Variants in LHFPL2 observed in about 807,000 individuals in gnomAD.
LHFPL2 encodes LHFPL tetraspan subfamily member 2, also known as LHFPL tetraspan subfamily member 2 protein.
A neutral mutation model predicts 17.5 loss-of-function variants in LHFPL2; 7 were observed. The ratio of observed to expected loss-of-function variants is 0.40; its 90% CI spans 0.23 to 0.75. LHFPL2 has a LOEUF of 0.75. LHFPL2 is among the 30% of genes least tolerant of loss of function. The pLI, the probability that LHFPL2 is intolerant of heterozygous loss-of-function variation, is 0.37. For missense variants in LHFPL2, 241 were observed against 294.8 expected, an observed-to-expected ratio of 0.82 and a Z score of 1.34; for synonymous variants, 134 against 116.2, an observed-to-expected ratio of 1.15 and a Z score of -0.99.
intron 3 of LHFPL2, among the ~76,000 whole-genome samples, chr5:78,561,844 G>GTGAATTATATAAGTGAATTATAA: frequency 6.6e-6 from 1 of 152,200 alleles, no homozygotes; most frequent in South Asian, 2.1e-4. Flanking sequence ...AGTGGTTAGA[G>GTGAATTATATAAGTGAATTATAA]CAGGGATTTA....
intron 3 of LHFPL2, among the ~76,000 whole-genome samples, chr5:78,515,944 G>A (rs958601916): frequency 1.3e-5 from 2 of 152,228 alleles, no homozygotes; most frequent in Non-Finnish European, 2.9e-5. Context: ...AGGGCCCAGT[G>A]ACTGTAGGGA....
chr5:78,576,323 CAAAA>C, intron 2 of LHFPL2, among the ~76,000 whole-genome samples: 1 of 151,806 alleles, frequency 6.6e-6, no homozygotes, highest in African/African-American at 2.4e-5. Context: ...AATTTTTACT[CAAAA>C]AAGAATGAAT....
chr5:78,589,762 G>A (rs1385888394), intron 2 of LHFPL2, among the ~76,000 whole-genome samples: 4 of 152,140 alleles, frequency 2.6e-5, no homozygotes, highest in Admixed American at 2.0e-4. Flanking sequence ...CCTTGAGGAC[G>A]GCCACTATGT....
intron 2 of LHFPL2, among the ~76,000 whole-genome samples, chr5:78,623,394 C>T (rs982310275): frequency 2.6e-5 from 4 of 152,162 alleles, no homozygotes; most frequent in African/African-American, 9.7e-5. Flanking sequence ...TAAACATGAA[C>T]ACTATTGTTT....
intron 4 of LHFPL2, 135 bp downstream of exon 4, chr5:78,509,649 G>T: frequency 1.1e-6 from 1 of 876,308 alleles, no homozygotes; most frequent in Non-Finnish European, 1.8e-6. Context: ...GAACGGAAGG[G>T]GCAAAGGAAA....
intron 4 of LHFPL2, among the ~76,000 whole-genome samples, chr5:78,490,147 C>G (rs1164254097): frequency 6.6e-6 from 1 of 152,214 alleles, no homozygotes; most frequent in African/African-American, 2.4e-5. Flanking sequence ...ATTTTGCTGA[C>G]CCTACTACCT....
intron 2 of LHFPL2, among the ~76,000 whole-genome samples, chr5:78,578,891 A>G (rs1185659851): frequency 6.6e-6 from 1 of 152,182 alleles, no homozygotes; most frequent in Non-Finnish European, 1.5e-5. Flanking sequence ...TCTATCAGCA[A>G]CGTAGGTGAG....
In LHFPL2 at chr5:78,603,144, G is replaced by A. The variant is rs187581832; in HGVS notation, c.-245+29120C>T. 1.1e-3 allele frequency among the ~76,000 whole-genome samples: 166 copies of A among 152,180 alleles called. 1 individual carries two copies. The highest frequency in any genetic ancestry group is 3.8e-3 in the African/African-American group (156 of 41,536). The stretch of plus-strand genomic sequence containing the variant: ...GCTGACCTCGTGATCCACCTGCCTC[G>A]GCCTCCCAAAGTGCTGGGATTACAG... On this transcript the variant is annotated intron_variant, in intron 2 of 4. Coordinates refer to ENST00000380345, the MANE Select transcript of LHFPL2 (RefSeq NM_005779.3).
At chr5:78,643,315 GT>G (rs1160840266) in intron 1 of LHFPL2, among the ~76,000 whole-genome samples, 5 of 152,116 alleles carry the variant, frequency 3.3e-5, no homozygotes, top group Admixed American at 2.0e-4. Flanking sequence ...GATGAACCAA[GT>G]ATTCACTCTT....
At chr5:78,626,048 A>G (rs1338457477) in intron 2 of LHFPL2, 2 of 152,326 alleles carry the variant, frequency 1.3e-5, no homozygotes, top group Non-Finnish European at 2.9e-5. Flanking sequence ...TCTGCCAACC[A>G]TAAACTACAC....
intron 3 of LHFPL2, among the ~76,000 whole-genome samples, chr5:78,559,006 G>A (rs1756655203): frequency 6.6e-6 from 1 of 152,066 alleles, no homozygotes; most frequent in African/African-American, 2.4e-5. Flanking sequence ...AACTCCCTGG[G>A]TACCTGCCTC....
chr5:78,552,282 C>T (rs995736990), intron 3 of LHFPL2, among the ~76,000 whole-genome samples: 14 of 152,102 alleles, frequency 9.2e-5, no homozygotes, highest in African/African-American at 3.4e-4. Context: ...TACAGGTGCC[C>T]ACCACCATGC....
At chr5:78,509,265 C>A (rs1755027464) in intron 4 of LHFPL2, among the ~76,000 whole-genome samples, 1 of 152,176 alleles carries the variant, frequency 6.6e-6, no homozygotes, top group Admixed American at 6.5e-5. Flanking sequence ...GATACTAATT[C>A]CTTCCCAGCC....
At chr5:78,525,076 T>A (rs1423105873) in intron 3 of LHFPL2, among the ~76,000 whole-genome samples, 2 of 152,188 alleles carry the variant, frequency 1.3e-5, no homozygotes, top group Non-Finnish European at 2.9e-5. Context: ...GTTAGCAGCA[T>A]TCCTAGCTTC....
chr5:78,514,430 A>G (rs56865012), intron 3 of LHFPL2, among the ~76,000 whole-genome samples: 39,213 of 151,862 alleles, frequency 0.26, 5,361 homozygotes, highest in East Asian at 0.47. Context: ...AGCAAAGAGG[A>G]GTTTCAAAAT....
intron 2 of LHFPL2, among the ~76,000 whole-genome samples, chr5:78,609,144 A>T (rs539332145): frequency 6.6e-6 from 1 of 152,268 alleles, no homozygotes; most frequent in South Asian, 2.1e-4. Context: ...ATGGAGCATT[A>T]TTCACAACTG....
At chr5:78,645,916 T>G (rs377707406) in intron 1 of LHFPL2, among the ~76,000 whole-genome samples, 1 of 152,300 alleles carries the variant, frequency 6.6e-6, no homozygotes, top group African/African-American at 2.4e-5. Context: ...TTGGAGTAAA[T>G]TCTAGAGATC....
At chr5:78,520,916 T>A (rs1206124668) in intron 3 of LHFPL2, among the ~76,000 whole-genome samples, 5 of 152,362 alleles carry the variant, frequency 3.3e-5, no homozygotes, top group Middle Eastern at 3.4e-3. Context: ...TCCTTTCTTA[T>A]ATACTTTTCC....
intron 3 of LHFPL2, among the ~76,000 whole-genome samples, chr5:78,555,647 A>G (rs1756552106): frequency 6.6e-6 from 1 of 152,246 alleles, no homozygotes; most frequent in South Asian, 2.1e-4. Context: ...GGGGCATGCT[A>G]AATTAAAAAT....
Sources: allele counts gnomAD v4.1 joint callset (sites outside exome capture counted in the v4.1 genomes callset), GRCh38; gene constraint gnomAD v4.1.1; transcripts MANE v1.5; gene names NCBI Gene and HGNC (gene_info 2026-07-23, HGNC 2026-07-21).